The following APOL5 variants were observed in gnomAD, a reference collection of about 807,000 sequenced individuals.
APOL5 encodes apolipoprotein L, 5.
In APOL5, 29 loss-of-function variants were observed where a neutral mutation model predicts 35.5. The ratio of observed to expected loss-of-function variants is 0.82; its 90% CI spans 0.61 to 1.11. APOL5 has a LOEUF of 1.11. Ranked by LOEUF, APOL5 falls within the 50% of genes most tolerant of loss-of-function variation. The pLI is 0.00. For missense variants in APOL5, 514 were observed against 530.4 expected (o/e 0.97, Z 0.30); for synonymous variants, 188 against 200.2 (o/e 0.94, Z 0.51).
chr22:35,710,779 A>G, the APOL5 span, among the ~76,000 whole-genome samples: 1 of 152,134 alleles, frequency 6.6e-6, no homozygotes, highest in Non-Finnish European at 1.5e-5. Flanking sequence ...AGAATCCCAT[A>G]TAAGGGGAAT....
At chr22:35,718,343 C>T (rs1275345684) in intron 1 of APOL5, among the ~76,000 whole-genome samples, 1 of 152,158 alleles carries the variant, frequency 6.6e-6, no homozygotes, top group Admixed American at 6.5e-5. Context: ...CACGGTTGGG[C>T]GCAGTGGCTC....
chr22:35,712,037 C>G, the APOL5 span, among the ~76,000 whole-genome samples: 1 of 150,672 alleles, frequency 6.6e-6, no homozygotes, highest in African/African-American at 2.4e-5. Flanking sequence ...GACAGGGTCT[C>G]ACTCTGTCAC....
upstream of APOL5, among the ~76,000 whole-genome samples, chr22:35,714,864 G>A (rs915593945): frequency 6.6e-6 from 1 of 152,206 alleles, no homozygotes; most frequent in African/African-American, 2.4e-5. Context: ...CCTCCTGGGT[G>A]TCTTGTAATG....
intron 2 of APOL5, among the ~76,000 whole-genome samples, chr22:35,721,652 T>A (rs530663839): frequency 1.3e-5 from 2 of 152,276 alleles, no homozygotes; most frequent in African/African-American, 4.8e-5. Context: ...TTGCTGGTTT[T>A]CTCCCAATCC....
intron 3 of APOL5, 151 bp from the exon 4 acceptor site, chr22:35,728,572 G>A: frequency 2.3e-6 from 2 of 866,954 alleles, no homozygotes; most frequent in South Asian, 1.9e-5. Context: ...GTGCCGCCAA[G>A]TTTGGGACCC....
rs912867170 is a variant in APOL5, at chr22:35,721,765, C to G, written c.142+1111C>G. 7.2e-5 allele frequency among the ~76,000 whole-genome samples: 11 copies of G among 152,234 alleles called. No individual in the cohort carries two copies. In the East Asian group the frequency reaches 1.2e-3, roughly 16 times the overall value. On this transcript the variant is annotated intron_variant, in intron 2 of 4. Transcript: ENST00000249044. ...CTCCTGGGACTTCCCTTTCCGTTGCCTTGGCCTGGGCATTCAGACTCTCCC... is the reference window on the plus strand; with the variant it reads ...CTCCTGGGACTTCCCTTTCCGTTGCGTTGGCCTGGGCATTCAGACTCTCCC...
intron 1 of APOL5, 131 bp downstream of exon 1, chr22:35,718,057 C>A: frequency 1.6e-6 from 1 of 632,578 alleles, no homozygotes; most frequent in Non-Finnish European, 2.4e-6. Context: ...TATAGCAGAT[C>A]CTTGGTTTTA....
At chr22:35,709,807 T>C in the APOL5 span, among the ~76,000 whole-genome samples, 4 of 152,154 alleles carry the variant, frequency 2.6e-5, no homozygotes, top group African/African-American at 7.2e-5. Context: ...TTTTCTCTTG[T>C]ATAAAATCCA....
At chr22:35,718,989 G>A in intron 1 of APOL5, among the ~76,000 whole-genome samples, 1 of 150,762 alleles carries the variant, frequency 6.6e-6, no homozygotes, top group East Asian at 2.0e-4. Flanking sequence ...AACCCAGGAG[G>A]CGCAGGTTGC....
Position 35,726,516 on chromosome 22 carries a change from G to A in APOL5, c.448G>A (p.Val150Ile). 1.2e-6 allele frequency: 2 copies of A among 1,614,200 alleles called. No individual in the cohort carries two copies. Among genetic ancestry groups the A allele is most frequent in the African/African-American group, 1.3e-5 (1 of 75,046 alleles). The change falls in exon 3 of 5, where the codon GTC becomes ATC. Residue 150 changes from valine to isoleucine, a missense_variant. Transcript: ENST00000249044. ...VASSSGAVSG[V>I]MNILGLALAP... The stretch of plus-strand genomic sequence containing the variant: ...CAGCTCTTCCGGGGCTGTTTCTGGG[G>A]TCATGAACATCCTGGGTTTGGCCCT...
rs1555932469 is a variant in APOL5 at position 35,727,137 on chromosome 22, A to C, written c.1069A>C (p.Thr357Pro). The C allele has an allele frequency of 1.9e-6, 3 of 1,609,600 alleles. No homozygotes were observed. The highest frequency in any genetic ancestry group is 2.2e-5 in the South Asian group (2 of 91,032). Residue 357 changes from threonine (T) to proline (P), a missense_variant, in exon 3 of 5, where the codon ACC (threonine) becomes CCC (proline). Transcript: ENST00000249044. ...GCACCTGCCGCAGAAGGCGAGCCAG[A>C]CCTGTTCCAGCTCCCGGGGCAGGGC... ...HRHLPQKASQ[T>P]CSSSRGRAVR...
intron 1 of APOL5, 107 bp downstream of exon 1, chr22:35,718,033 T>C (rs1326899707): frequency 1.2e-6 from 1 of 827,380 alleles, no homozygotes; most frequent in African/African-American, 1.8e-5. Context: ...CCATATGCTA[T>C]TGCTGGGTGG....
At chr22:35,719,685 C>A (rs1426475495) in intron 1 of APOL5, among the ~76,000 whole-genome samples, 2 of 152,202 alleles carry the variant, frequency 1.3e-5, no homozygotes, top group Non-Finnish European at 2.9e-5. Flanking sequence ...GCATGCGGAC[C>A]GGCAGGTCTT....
At chr22:35,719,705 G>T (rs1926891812) in intron 1 of APOL5, among the ~76,000 whole-genome samples, 1 of 150,868 alleles carries the variant, frequency 6.6e-6, no homozygotes. Flanking sequence ...TGGGGAGCGT[G>T]GGCTCCGACC....
At chr22:35,725,172 A>G (rs1190374479) in intron 2 of APOL5, among the ~76,000 whole-genome samples, 1 of 152,194 alleles carries the variant, frequency 6.6e-6, no homozygotes. Context: ...TAAAGAGTTT[A>G]ATTCATGCAG....
intron 1 of APOL5, among the ~76,000 whole-genome samples, chr22:35,718,844 G>C (rs562432738): frequency 6.6e-6 from 1 of 152,172 alleles, no homozygotes; most frequent in Admixed American, 6.5e-5. Flanking sequence ...TATCACCTGA[G>C]GTTGGGAGTT....
Position 35,720,479 on chromosome 22 carries a change from T to C in APOL5, c.56-89T>C, listed in dbSNP as rs191700132. 11 of 1,088,200 alleles carry C rather than the reference T, an allele frequency of 1.0e-5. No homozygotes were observed. In the Admixed American group the frequency reaches 2.0e-4, roughly 20 times the overall value. 67.4% of individuals were successfully genotyped at this position (1,088,200 alleles called of 1,614,324 possible). On this transcript the variant is annotated intron_variant, in intron 1 of 4. Coordinates refer to ENST00000249044, the MANE Select transcript of APOL5 (RefSeq NM_030642.1). Reference sequence around the variant, plus strand: ...TTTTCTAATTCTCCAATATTGTAATTAGACAGCCAACTTTCCCGGAGCACT... The same window carrying C: ...TTTTCTAATTCTCCAATATTGTAATCAGACAGCCAACTTTCCCGGAGCACT...
At chr22:35,717,768 G>GGAA (rs3075240), upstream of APOL5, 106,374 of 406,674 alleles carry the variant, frequency 0.26, 15,803 homozygotes, top group East Asian at 0.48. Flanking sequence ...GAAAAGAAAA[G>GGAA]AAAAAAAAAT....
chr22:35,725,855 A>C (rs1601899026), intron 2 of APOL5, among the ~76,000 whole-genome samples: 1 of 152,180 alleles, frequency 6.6e-6, no homozygotes, highest in East Asian at 1.9e-4. Flanking sequence ...CTGGCTGAAT[A>C]ACACCTAAAC....
Sources: gnomAD v4.1 joint callset for allele counts (sites outside exome capture counted in the v4.1 genomes callset) on GRCh38, gnomAD v4.1.1 for gene constraint, MANE v1.5 for transcripts, NCBI Gene and HGNC (gene_info 2026-07-23, HGNC 2026-07-21) for gene names.